PXYLP1: variants seen among roughly 807,000 people sequenced by gnomAD.
The protein encoded by PXYLP1 is acid phosphatase-like 2.
In PXYLP1, 17 loss-of-function variants were observed where a neutral mutation model predicts 37.9. The observed-to-expected ratio is 0.45, with a 90% confidence interval of 0.31 to 0.67. The LOEUF is 0.67. PXYLP1 is among the 30% of genes least tolerant of loss of function. The pLI, the probability that PXYLP1 is intolerant of heterozygous loss-of-function variation, is 0.07. For missense variants in PXYLP1, 511 were observed against 612.0 expected, an observed-to-expected ratio of 0.84 and a Z score of 1.74; for synonymous variants, 221 against 232.2, an observed-to-expected ratio of 0.95 and a Z score of 0.44.
intron 2 of PXYLP1, among the ~76,000 whole-genome samples, chr3:141,265,098 G>A (rs1430924090): frequency 6.6e-6 from 1 of 152,138 alleles, no homozygotes; most frequent in Non-Finnish European, 1.5e-5. Context: ...GGCCAAATGT[G>A]CAAAGGCAGA....
At chr3:141,278,540 GGAC>G in intron 3 of PXYLP1, 40 bp downstream of exon 3, 1 of 1,608,334 alleles carries the variant, frequency 6.2e-7, no homozygotes, top group Non-Finnish European at 8.5e-7. Flanking sequence ...ACCCCTTTGG[GGAC>G]TAGTTATTCC....
chr3:141,241,381 G>T (rs935449188), intron 1 of PXYLP1, among the ~76,000 whole-genome samples: 1 of 139,088 alleles, frequency 7.2e-6, no homozygotes, highest in Admixed American at 7.1e-5. Flanking sequence ...TCTCCACCCA[G>T]CCCTGGGGAA....
chr3:141,244,788 T>G (rs1272557371), intron 1 of PXYLP1, among the ~76,000 whole-genome samples: 1 of 151,902 alleles, frequency 6.6e-6, no homozygotes, highest in African/African-American at 2.4e-5. Context: ...TTATAATGAC[T>G]CCTAATGCTG....
chr3:141,259,133 C>A (rs1941331631), intron 1 of PXYLP1, among the ~76,000 whole-genome samples: 1 of 152,170 alleles, frequency 6.6e-6, no homozygotes, highest in Admixed American at 6.5e-5. Flanking sequence ...TGGCTATATT[C>A]AGTTATATTC....
rs754179505 is a variant in PXYLP1, at chr3:141,287,381, G to A, written c.433G>A (p.Glu145Lys). The A allele has an allele frequency of 7.4e-6, 12 of 1,613,982 alleles. No individual in the cohort carries two copies. In the Admixed American group the frequency reaches 1.0e-4, roughly 13 times the overall value. ...HMSKGSGASF[E>K]SPLNSLPLYP... ...GTCAAAAGGATCCGGAGCCTCTTTC[G>A]AAAGCCCCTTGAACTCCTTGCCTCT... The change falls in exon 5 of 6, where the codon GAA (glutamate) becomes AAA (lysine). Residue 145 changes from glutamate to lysine, a missense_variant. Transcript: ENST00000286353.
chr3:141,272,068 T>C (rs1941677046), intron 2 of PXYLP1, among the ~76,000 whole-genome samples: 1 of 152,192 alleles, frequency 6.6e-6, no homozygotes, highest in South Asian at 2.1e-4. Context: ...AGGCCACATA[T>C]GCAGGTAGAT....
chr3:141,268,435 G>A (rs773501087), intron 2 of PXYLP1, among the ~76,000 whole-genome samples: 1 of 152,164 alleles, frequency 6.6e-6, no homozygotes, highest in Non-Finnish European at 1.5e-5. Context: ...CTGGAGTCTG[G>A]CAGGCAGAGT....
intron 1 of PXYLP1, among the ~76,000 whole-genome samples, chr3:141,232,902 T>C (rs1940564817): frequency 1.3e-5 from 2 of 151,622 alleles, no homozygotes; most frequent in African/African-American, 4.9e-5. Context: ...AAGGATCCTT[T>C]GTAAGCATTC....
chr3:141,266,847 T>C (rs1482582609), intron 2 of PXYLP1, among the ~76,000 whole-genome samples: 1 of 152,182 alleles, frequency 6.6e-6, no homozygotes, highest in Non-Finnish European at 1.5e-5. Context: ...GCTTTCAGTC[T>C]GATATCCGCT....
intron 1 of PXYLP1, among the ~76,000 whole-genome samples, chr3:141,241,361 C>G (rs1282624913): frequency 7.1e-6 from 1 of 140,958 alleles, no homozygotes; most frequent in Non-Finnish European, 1.6e-5. Flanking sequence ...CTGCTGCTTG[C>G]TCTGCTGTCT....
chr3:141,262,602 A>G lies in PXYLP1; in HGVS notation c.79+2348A>G, dbSNP rs557554344. The G allele has an allele frequency of 5.4e-6, 8 of 1,471,786 alleles. No individual in the cohort carries two copies. The East Asian group carries it at 1.8e-4, about 32-fold the overall frequency. 91.2% of individuals were successfully genotyped at this position (1,471,786 alleles called of 1,614,324 possible). ...TTTAGGAAAGCCAATTTTCAGCCATACTTTTTTAAGGAAAATTTTGCAGGG... is the reference window on the plus strand; with the variant it reads ...TTTAGGAAAGCCAATTTTCAGCCATGCTTTTTTAAGGAAAATTTTGCAGGG... On this transcript the variant is annotated intron_variant, in intron 2 of 5. Coordinates refer to ENST00000286353, the MANE Select transcript of PXYLP1 (RefSeq NM_001037172.3).
intron 5 of PXYLP1, among the ~76,000 whole-genome samples, chr3:141,288,280 T>C (rs6791988): frequency 0.33 from 49,557 of 152,184 alleles, 11,130 homozygotes; most frequent in African/African-American, 0.65. Flanking sequence ...GGAAGACCCA[T>C]TGGCCATGTT....
chr3:141,284,085 A>C (rs1942016351), intron 4 of PXYLP1, among the ~76,000 whole-genome samples: 1 of 152,060 alleles, frequency 6.6e-6, no homozygotes, highest in South Asian at 2.1e-4. Context: ...GTCAGGGTAC[A>C]CCTATTTTGT....
chr3:141,277,869 A>G (rs536130942), intron 2 of PXYLP1, among the ~76,000 whole-genome samples: 2 of 151,008 alleles, frequency 1.3e-5, no homozygotes, highest in South Asian at 2.2e-4. Flanking sequence ...AAGTGCTCTC[A>G]TGGGTTAGAT....
intron 5 of PXYLP1, among the ~76,000 whole-genome samples, chr3:141,288,086 C>T (rs968097055): frequency 6.6e-6 from 1 of 152,214 alleles, no homozygotes; most frequent in Admixed American, 6.5e-5. Context: ...GCTTTCCCTC[C>T]GCAGCCCTAG....
chr3:141,268,482 C>T (rs893571513), intron 2 of PXYLP1, among the ~76,000 whole-genome samples: 10 of 152,136 alleles, frequency 6.6e-5, no homozygotes, highest in African/African-American at 1.7e-4. Flanking sequence ...GTGCAGACCC[C>T]GCTCACTCCC....
At chr3:141,252,227 T>A (rs1456443830) in intron 1 of PXYLP1, among the ~76,000 whole-genome samples, 1 of 152,206 alleles carries the variant, frequency 6.6e-6, no homozygotes, top group Non-Finnish European at 1.5e-5. Context: ...AGTTTGGTGC[T>A]GCCCTTTATT....
At position 141,242,040 on chromosome 3, in the gene PXYLP1, T is replaced by G. The variant is rs566992149; in HGVS notation, c.-54+10129T>G. On this transcript the variant is annotated intron_variant, in intron 1 of 5. Coordinates refer to ENST00000286353, the MANE Select transcript of PXYLP1 (RefSeq NM_001037172.3). ...CTGAAGCTGTCATTACATATCAAGATACTTGCCAGGGAGATTTTTGATGGA... is the reference window on the plus strand; with the variant it reads ...CTGAAGCTGTCATTACATATCAAGAGACTTGCCAGGGAGATTTTTGATGGA... Among the ~76,000 whole-genome samples the G allele has an allele frequency of 2.0e-5, 3 of 152,348 alleles. No homozygotes were observed. In the South Asian group the frequency reaches 6.2e-4, roughly 32 times the overall value.
At chr3:141,240,878 C>G (rs1043515888) in intron 1 of PXYLP1, among the ~76,000 whole-genome samples, 3 of 152,134 alleles carry the variant, frequency 2.0e-5, no homozygotes, top group Non-Finnish European at 4.4e-5. Flanking sequence ...CCCTCATTAT[C>G]CCCCTGTCTT....
Sources: gnomAD v4.1 joint callset for allele counts (sites outside exome capture counted in the v4.1 genomes callset) on GRCh38, gnomAD v4.1.1 for gene constraint, MANE v1.5 for transcripts, NCBI Gene and HGNC (gene_info 2026-07-23, HGNC 2026-07-21) for gene names.